ADAM32: variants seen among roughly 807,000 people sequenced by gnomAD.
ADAM32 encodes disintegrin and metalloproteinase domain-containing protein 32.
A neutral mutation model predicts 114.9 loss-of-function variants in ADAM32; 89 were observed. The ratio of observed to expected loss-of-function variants is 0.77; its 90% CI spans 0.65 to 0.92. The LOEUF (loss-of-function observed/expected upper bound fraction) is 0.92, where lower values mean the gene tolerates loss of function less well. Among genes scored for constraint, ADAM32 ranks in the 40% least tolerant of loss-of-function variants. The pLI, the probability that ADAM32 is intolerant of heterozygous loss-of-function variation, is 0.00. For synonymous variants in ADAM32, 285 were observed against 307.5 expected (o/e 0.93, Z 0.77); for missense variants, 870 against 932.8 (o/e 0.93, Z 0.88).
At chr8:39,149,929 T>C in intron 5 of ADAM32, 62 bp downstream of exon 5, 4 of 1,403,242 alleles carry the variant, frequency 2.9e-6, no homozygotes. Flanking sequence ...AGTGAATTTG[T>C]TCTCTTTGTA....
chr8:39,207,683 T>C (rs1338334643), intron 11 of ADAM32, among the ~76,000 whole-genome samples: 2 of 152,206 alleles, frequency 1.3e-5, no homozygotes, highest in Non-Finnish European at 2.9e-5. Flanking sequence ...TTTTACACAT[T>C]AACCAACCTC....
chr8:39,149,885 A>G lies in ADAM32; in HGVS notation c.353+18A>G. ...GGACTAAGGTTGTTTTCTGTTGTTG[A>G]TTACAGAACACCTTAGTTATGATAT... On this transcript the variant is annotated intron_variant, in intron 5 of 24. Coordinates refer to ENST00000379907, the MANE Select transcript of ADAM32 (RefSeq NM_145004.7). The G allele has an allele frequency of 6.3e-7, 1 of 1,578,586 alleles. No individual in the cohort carries two copies. Among genetic ancestry groups the G allele is most frequent in the South Asian group, 1.1e-5 (1 of 88,460 alleles).
chr8:39,115,792 G>T (rs1047756106), intron 1 of ADAM32, among the ~76,000 whole-genome samples: 1 of 152,128 alleles, frequency 6.6e-6, no homozygotes. Flanking sequence ...TGCTTTTGGA[G>T]TCTTCATCAT....
intron 19 of ADAM32, among the ~76,000 whole-genome samples, chr8:39,269,310 T>A (rs1179181916): frequency 6.6e-6 from 1 of 152,216 alleles, no homozygotes; most frequent in African/African-American, 2.4e-5. Flanking sequence ...TTTCCTTCTC[T>A]CAAAGTTCGC....
intron 19 of ADAM32, among the ~76,000 whole-genome samples, chr8:39,259,942 G>A (rs75441258): frequency 0.027 from 4,118 of 152,170 alleles, 210 homozygotes; most frequent in African/African-American, 0.094. Context: ...AGTGTTGTAT[G>A]CATTCATTTA....
At chr8:39,217,452 C>A (rs902863602) in intron 12 of ADAM32, among the ~76,000 whole-genome samples, 2 of 152,076 alleles carry the variant, frequency 1.3e-5, no homozygotes, top group South Asian at 2.1e-4. Context: ...AAGCTTTCTA[C>A]CCCCATCTCT....
At chr8:39,274,846 G>C (rs1417876755) in intron 21 of ADAM32, among the ~76,000 whole-genome samples, 1 of 152,198 alleles carries the variant, frequency 6.6e-6, no homozygotes, top group African/African-American at 2.4e-5. Context: ...CAAACCTACT[G>C]TGCTTTGCAG....
At chr8:39,256,140 A>C (rs1196069858) in intron 18 of ADAM32, among the ~76,000 whole-genome samples, 1 of 151,934 alleles carries the variant, frequency 6.6e-6, no homozygotes, top group Non-Finnish European at 1.5e-5. Context: ...CTTATTGTCT[A>C]TGGCCATACC....
intron 19 of ADAM32, among the ~76,000 whole-genome samples, chr8:39,269,374 G>A (rs1023061242): frequency 2.6e-5 from 4 of 152,310 alleles, no homozygotes; most frequent in Admixed American, 2.6e-4. Context: ...TATACATTTT[G>A]TCTGTATTTT....
intron 11 of ADAM32, among the ~76,000 whole-genome samples, chr8:39,203,507 T>C (rs1303715653): frequency 6.6e-6 from 1 of 152,204 alleles, no homozygotes; most frequent in Non-Finnish European, 1.5e-5. Context: ...CATCCCTTTA[T>C]TTTGAGCCTA....
At chr8:39,200,828 A>G (rs1807347196) in intron 11 of ADAM32, among the ~76,000 whole-genome samples, 1 of 152,194 alleles carries the variant, frequency 6.6e-6, no homozygotes, top group Non-Finnish European at 1.5e-5. Flanking sequence ...ATCCAGTTTC[A>G]GCTTTCTACA....
At chr8:39,108,904 A>C (rs991775570) in intron 1 of ADAM32, among the ~76,000 whole-genome samples, 4 of 152,168 alleles carry the variant, frequency 2.6e-5, no homozygotes, top group Non-Finnish European at 5.9e-5. Flanking sequence ...ACAGGGAAAG[A>C]CAGGAGGAGG....
chr8:39,248,163 A>T (rs1811050985), intron 17 of ADAM32, among the ~76,000 whole-genome samples: 1 of 152,068 alleles, frequency 6.6e-6, no homozygotes, highest in African/African-American at 2.4e-5. Flanking sequence ...TGGTAACTTG[A>T]CTATTCTTGA....
At position 39,195,668 on chromosome 8, in the gene ADAM32, A is replaced by T. The variant is rs550050934; in HGVS notation, c.1052+8623A>T. 2.9e-4 allele frequency among the ~76,000 whole-genome samples: 41 copies of T among 141,594 alleles called. No individual in the cohort carries two copies. In the South Asian group the frequency reaches 4.3e-3, roughly 15 times the overall value. 92.9% of individuals were successfully genotyped at this position (141,594 alleles called of 152,430 possible). On this transcript the variant is annotated intron_variant, in intron 11 of 24. Coordinates refer to ENST00000379907, the MANE Select transcript of ADAM32 (RefSeq NM_145004.7). ...ATGGATATCCAGTTATTCCCAGCAC[A>T]CGTATATGTTCTTGGTATCTATGAA...
intron 19 of ADAM32, among the ~76,000 whole-genome samples, chr8:39,259,152 GT>G (rs749565941): frequency 6.6e-6 from 1 of 150,446 alleles, no homozygotes; most frequent in Non-Finnish European, 1.5e-5. Flanking sequence ...TATTTACCAT[GT>G]TTTTTGTTTT....
intron 19 of ADAM32, among the ~76,000 whole-genome samples, chr8:39,259,117 G>C (rs1224439370): frequency 6.6e-6 from 1 of 151,624 alleles, no homozygotes; most frequent in Non-Finnish European, 1.5e-5. Context: ...TGTTTAGGCT[G>C]AAATTTGCCA....
In ADAM32 at chr8:39,246,162, A is replaced by G. The variant is rs1446608693; in HGVS notation, c.1898A>G (p.His633Arg). The G allele has an allele frequency of 4.3e-6, 7 of 1,611,934 alleles. No homozygotes were observed. The highest frequency in any genetic ancestry group is 3.3e-5 in the Admixed American group (2 of 59,826). ...GTTTGTTCACAACAGTGTTCTGGAC[A>G]TGGAGTAAGTAACCACATGTTTCCC... is the stretch of plus-strand genomic sequence containing the variant. ...AHVCSQQCSG[H>R]GVCDSRNKCH... The change falls in exon 17 of 25, where the codon CAT (histidine) becomes CGT (arginine). Residue 633 changes from histidine to arginine, a missense_variant. His to Arg is a conservative substitution (Grantham distance 29, BLOSUM62 0). Transcript: ENST00000379907.
intron 14 of ADAM32, among the ~76,000 whole-genome samples, chr8:39,230,420 T>C (rs140131333): frequency 6.6e-6 from 1 of 152,160 alleles, no homozygotes; most frequent in South Asian, 2.1e-4. Flanking sequence ...CTAATAAAAT[T>C]GAGTTGGTTG....
chr8:39,184,606 C>T (rs972056507), intron 10 of ADAM32, among the ~76,000 whole-genome samples: 2 of 152,276 alleles, frequency 1.3e-5, no homozygotes, highest in Middle Eastern at 3.4e-3. Context: ...TTCCTGTGTG[C>T]ACAGTTATTC....
Sources: allele counts gnomAD v4.1 joint callset (sites outside exome capture counted in the v4.1 genomes callset), GRCh38; gene constraint gnomAD v4.1.1; transcripts MANE v1.5; gene names NCBI Gene and HGNC (gene_info 2026-07-23, HGNC 2026-07-21).